Variants in KANSL1 observed in about 807,000 individuals in gnomAD.
The protein encoded by KANSL1 is KAT8 regulatory NSL complex subunit 1.
Under a neutral mutation model 103.6 loss-of-function variants are expected in KANSL1, and 22 were observed. The observed-to-expected ratio is 0.21, with a 90% CI of 0.15 to 0.30. The LOEUF (loss-of-function observed/expected upper bound fraction) is 0.30. KANSL1 is among the 10% of genes least tolerant of loss of function. The pLI is 1.00. For synonymous variants in KANSL1, 600 were observed against 527.6 expected (o/e 1.14, Z -1.88); for missense variants, 1,337 against 1,399.8 (o/e 0.96, Z 0.72).
At chr17:46,080,899 A>G (rs1024509416) in intron 4 of KANSL1, among the ~76,000 whole-genome samples, 7 of 152,204 alleles carry the variant, frequency 4.6e-5, no homozygotes, top group Non-Finnish European at 1.0e-4. Context: ...TCTATTGCAC[A>G]ATGTTGAAAC....
At chr17:46,173,068 G>C (rs920975868) in intron 1 of KANSL1, among the ~76,000 whole-genome samples, 10 of 152,198 alleles carry the variant, frequency 6.6e-5, no homozygotes, top group African/African-American at 2.4e-4. Flanking sequence ...CAAATCCAAT[G>C]GTCAAACCTC....
chr17:46,148,386 C>A (rs1210131245), intron 2 of KANSL1: 1 of 152,184 alleles, frequency 6.6e-6, no homozygotes, highest in Non-Finnish European at 1.5e-5. Flanking sequence ...ATAACTATCA[C>A]CTGGTTGGAC....
At chr17:46,186,371 G>A (rs1177378929) in intron 1 of KANSL1, among the ~76,000 whole-genome samples, 2 of 149,278 alleles carry the variant, frequency 1.3e-5, no homozygotes, top group Non-Finnish European at 3.0e-5. Context: ...GGCACAGAGC[G>A]AGACTGTGTC....
chr17:46,081,307 A>C (rs933991556), intron 4 of KANSL1, among the ~76,000 whole-genome samples: 1 of 152,176 alleles, frequency 6.6e-6, no homozygotes, highest in Non-Finnish European at 1.5e-5. Context: ...CCATACCACC[A>C]ATGTATCTAT....
chr17:46,172,090 G>C lies in KANSL1; in HGVS notation c.54C>G (p.Ile18Met). 3 of 1,612,654 alleles carry C rather than the reference G, an allele frequency of 1.9e-6. No homozygotes were observed. Among genetic ancestry groups the C allele is most frequent in the Non-Finnish European group, 2.5e-6 (3 of 1,180,048 alleles). The change falls in exon 2 of 15, where the codon ATC (isoleucine) becomes ATG (methionine). Residue 18 changes from isoleucine (I) to methionine (M), a missense_variant. This residue lies in a region of KANSL1 where 557 missense variants were observed against 476.4 expected (regional missense o/e 1.17). Coordinates refer to ENST00000432791, the MANE Select transcript of KANSL1 (RefSeq NM_015443.4). ...AGGATGGGGGAGCCAGTTTGAACCG[G>C]ATATGGTGTGCTTCAGCTGCTGCGT... is the stretch of plus-strand genomic sequence containing the variant. ...LTDAAAEAHH[I>M]RFKLAPPSST...
At chr17:46,078,283 T>C (rs1250542218) in intron 4 of KANSL1, among the ~76,000 whole-genome samples, 1 of 152,240 alleles carries the variant, frequency 6.6e-6, no homozygotes, top group Non-Finnish European at 1.5e-5. Flanking sequence ...CCAAGTCTAG[T>C]TGGAATTCGA....
Position 46,114,629 on chromosome 17 carries a change from C to T in KANSL1, c.1290-19928G>A, listed in dbSNP as rs148743897. 1.4e-3 allele frequency among the ~76,000 whole-genome samples: 209 copies of T among 152,286 alleles called. 2 individuals are homozygous for T. Among genetic ancestry groups the T allele is most frequent in the African/African-American group, 2.1e-3 (87 of 41,554 alleles). Reference sequence around the variant, plus strand: ...CAATCTTTCAAGCAAGAAAGAAGGTCTCTGATATACTAATTTAAAGACATA... The same window carrying T: ...CAATCTTTCAAGCAAGAAAGAAGGTTTCTGATATACTAATTTAAAGACATA... On this transcript the variant is annotated intron_variant, in intron 2 of 14. Coordinates refer to ENST00000432791, the MANE Select transcript of KANSL1 (RefSeq NM_015443.4).
chr17:46,138,834 T>C (rs1392243205), intron 2 of KANSL1, among the ~76,000 whole-genome samples: 1 of 152,220 alleles, frequency 6.6e-6, no homozygotes, highest in Non-Finnish European at 1.5e-5. Flanking sequence ...CCCATCAACA[T>C]AGGTACAGTT....
chr17:46,089,127 A>G (rs569209164), intron 3 of KANSL1, among the ~76,000 whole-genome samples: 23 of 152,250 alleles, frequency 1.5e-4, no homozygotes, highest in Non-Finnish European at 3.1e-4. Flanking sequence ...GTATACACTC[A>G]AGGTACGTAT....
rs538866418 is a variant in KANSL1, at chr17:46,133,139, G to A, written c.1289+37716C>T. Among the ~76,000 whole-genome samples, 6 of 152,310 alleles carry A rather than the reference G, an allele frequency of 3.9e-5. No individual in the cohort carries two copies. In the East Asian group the frequency reaches 1.2e-3, roughly 29 times the overall value. ...ACAGAAGAAAAACTGAGGTTCAGGT[G>A]TGAGATGGATGGAGTAATTTGTCAA... On this transcript the variant is annotated intron_variant, in intron 2 of 14. Coordinates refer to ENST00000432791, the MANE Select transcript of KANSL1 (RefSeq NM_015443.4).
At chr17:46,210,147 C>T (rs2048108845) in intron 1 of KANSL1, among the ~76,000 whole-genome samples, 1 of 152,186 alleles carries the variant, frequency 6.6e-6, no homozygotes, top group African/African-American at 2.4e-5. Context: ...GTGGACATCA[C>T]ACCACACCAG....
intron 2 of KANSL1, among the ~76,000 whole-genome samples, chr17:46,143,416 C>T (rs1021158662): frequency 6.6e-6 from 1 of 152,116 alleles, no homozygotes; most frequent in African/African-American, 2.4e-5. Flanking sequence ...ATCGCTTGAA[C>T]CCGCGAGACA....
At chr17:46,095,326 C>G (rs1339784511) in intron 2 of KANSL1, among the ~76,000 whole-genome samples, 1 of 152,076 alleles carries the variant, frequency 6.6e-6, no homozygotes, top group Non-Finnish European at 1.5e-5. Flanking sequence ...AGCTGAGAAA[C>G]AGATCTAAAA....
intron 4 of KANSL1, among the ~76,000 whole-genome samples, chr17:46,078,432 C>A (rs2078866621): frequency 6.6e-6 from 1 of 152,198 alleles, no homozygotes; most frequent in African/African-American, 2.4e-5. Context: ...GCACAAAGAT[C>A]TGAAAGGGGC....
intron 2 of KANSL1, among the ~76,000 whole-genome samples, chr17:46,158,835 C>T (rs185353255): frequency 6.6e-6 from 1 of 152,342 alleles, no homozygotes; most frequent in Admixed American, 6.5e-5. Context: ...GCCACCACAC[C>T]CGGCCAAGAG....
At chr17:46,209,279 G>A (rs2048082345) in intron 1 of KANSL1, among the ~76,000 whole-genome samples, 1 of 152,120 alleles carries the variant, frequency 6.6e-6, no homozygotes, top group Non-Finnish European at 1.5e-5. Context: ...TTGATAAGTG[G>A]GATTGATAAA....
chr17:46,118,506 A>G (rs2043139250), intron 2 of KANSL1, among the ~76,000 whole-genome samples: 1 of 152,218 alleles, frequency 6.6e-6, no homozygotes, highest in African/African-American at 2.4e-5. Context: ...AGGGCTTGCT[A>G]AACGCTGATT....
At chr17:46,149,015 T>C (rs1238676218) in intron 2 of KANSL1, among the ~76,000 whole-genome samples, 1 of 142,556 alleles carries the variant, frequency 7.0e-6, no homozygotes, top group Non-Finnish European at 1.6e-5. Flanking sequence ...TTTTTTTTTT[T>C]TTTTTGAGAC....
chr17:46,178,077 C>T (rs1193332314), intron 1 of KANSL1, among the ~76,000 whole-genome samples: 2 of 152,126 alleles, frequency 1.3e-5, no homozygotes, highest in African/African-American at 4.8e-5. Flanking sequence ...ACGCCCGGCC[C>T]ATAGTAACAT....
Sources: allele counts gnomAD v4.1 joint callset (sites outside exome capture counted in the v4.1 genomes callset), GRCh38; gene constraint gnomAD v4.1.1; regional missense constraint gnomAD v4.1.1; transcripts MANE v1.5; gene names NCBI Gene and HGNC (gene_info 2026-07-23, HGNC 2026-07-21).